The following ACTR3C variants were observed in gnomAD, a reference collection of about 807,000 sequenced individuals.
ACTR3C encodes the protein actin related protein 3C.
ACTR3C carries 18 observed loss-of-function variants against 26.3 expected under a neutral mutation model. That is an observed-to-expected ratio of 0.68 (90% CI 0.47 to 1.01). The LOEUF (loss-of-function observed/expected upper bound fraction) is 1.01. ACTR3C is among the 50% of genes least tolerant of loss of function. The pLI is 0.00. For synonymous variants in ACTR3C, 55 were observed against 94.5 expected (o/e 0.58, Z 2.42); for missense variants, 184 against 250.7 (o/e 0.73, Z 1.80).
At chr7:150,214,432 G>A in the ACTR3C span, among the ~76,000 whole-genome samples, 4 of 151,912 alleles carry the variant, frequency 2.6e-5, no homozygotes, top group East Asian at 1.9e-4. Flanking sequence ...TGCAATATCC[G>A]GAGCTACGCA....
the ACTR3C span, among the ~76,000 whole-genome samples, chr7:150,080,647 A>G: frequency 7.2e-5 from 11 of 152,014 alleles, no homozygotes; most frequent in African/African-American, 2.2e-4. Context: ...AGACACCTAG[A>G]TGGACAGTTC....
intron 6 of ACTR3C, among the ~76,000 whole-genome samples, chr7:150,259,701 A>G (rs1833503606): frequency 6.6e-6 from 1 of 152,144 alleles, no homozygotes; most frequent in African/African-American, 2.4e-5. Context: ...TTTATCCTAG[A>G]TGGTCATTAT....
the ACTR3C span, among the ~76,000 whole-genome samples, chr7:149,919,676 G>T: frequency 6.6e-6 from 1 of 152,032 alleles, no homozygotes; most frequent in Non-Finnish European, 1.5e-5. Flanking sequence ...CATCTCAGGT[G>T]CAACAGTCTT....
intron 3 of ACTR3C, among the ~76,000 whole-genome samples, chr7:150,290,606 A>G (rs1396477423): frequency 1.3e-5 from 2 of 152,236 alleles, no homozygotes; most frequent in Admixed American, 6.5e-5. Context: ...TCATTCTAAT[A>G]GCTGCATCTA....
intron 6 of ACTR3C, among the ~76,000 whole-genome samples, chr7:150,282,487 C>A (rs1180331167): frequency 6.9e-6 from 1 of 145,270 alleles, no homozygotes; most frequent in East Asian, 2.0e-4. Context: ...GAAAGCATGG[C>A]CAGCCCCAGG....
At chr7:150,068,997 A>C in the ACTR3C span, among the ~76,000 whole-genome samples, 5 of 152,198 alleles carry the variant, frequency 3.3e-5, no homozygotes, top group African/African-American at 4.8e-5. Flanking sequence ...ACTCTTGAGA[A>C]GGGAATCCCC....
the ACTR3C span, chr7:150,047,516 T>TTC: frequency 4.8e-6 from 3 of 627,540 alleles, no homozygotes; most frequent in African/African-American, 6.4e-5. Context: ...GGCGCCTGAT[T>TTC]CCCCCCCCCA....
At chr7:149,902,422 T>C in the ACTR3C span, among the ~76,000 whole-genome samples, 2 of 108,448 alleles carry the variant, frequency 1.8e-5, no homozygotes, top group Admixed American at 2.0e-4. Flanking sequence ...CAGCATGTAC[T>C]TCATATTTCA....
chr7:149,918,955 A>G, the ACTR3C span, among the ~76,000 whole-genome samples: 3 of 152,152 alleles, frequency 2.0e-5, no homozygotes, highest in African/African-American at 7.2e-5. Flanking sequence ...CGGACAGCCC[A>G]AAATACTCAG....
At chr7:149,899,252 T>A in the ACTR3C span, among the ~76,000 whole-genome samples, 4 of 93,974 alleles carry the variant, frequency 4.3e-5, no homozygotes, top group Admixed American at 1.1e-4. Context: ...GAAAAGACAA[T>A]GAATAGACAA....
the ACTR3C span, among the ~76,000 whole-genome samples, chr7:150,023,209 C>A: frequency 1.4e-5 from 2 of 143,206 alleles, no homozygotes; most frequent in East Asian, 2.0e-4. Context: ...ATATATATCT[C>A]TATATCTCTA....
At chr7:149,927,948 G>A in the ACTR3C span, among the ~76,000 whole-genome samples, 148 of 152,138 alleles carry the variant, frequency 9.7e-4, no homozygotes, top group African/African-American at 3.4e-3. Context: ...ACAAAACAAA[G>A]ACATTAAGAT....
the ACTR3C span, among the ~76,000 whole-genome samples, chr7:149,954,813 G>T: frequency 6.6e-6 from 1 of 152,146 alleles, no homozygotes; most frequent in East Asian, 1.9e-4. Context: ...GCCACTAATA[G>T]AAAGTGTATT....
the ACTR3C span, among the ~76,000 whole-genome samples, chr7:149,937,981 A>G: frequency 6.6e-6 from 1 of 152,180 alleles, no homozygotes; most frequent in African/African-American, 2.4e-5. Flanking sequence ...AAGATGGGAC[A>G]GTGTGCAAGT....
chr7:150,247,720 G>A (rs1231079627), intron 7 of ACTR3C, 151 bp from the exon 8 acceptor site: 1 of 145,678 alleles, frequency 6.9e-6, no homozygotes, highest in Non-Finnish European at 1.5e-5. Context: ...CCTGGTGGGG[G>A]TGTTTATATC....
chr7:150,285,402 G>A (rs535195758), intron 5 of ACTR3C, among the ~76,000 whole-genome samples: 1 of 152,258 alleles, frequency 6.6e-6, no homozygotes, highest in Non-Finnish European at 1.5e-5. Context: ...AGTTAAATAA[G>A]CTAAAGTATA....
At chr7:149,949,652 C>CCTT in the ACTR3C span, among the ~76,000 whole-genome samples, 1 of 146,896 alleles carries the variant, frequency 6.8e-6, no homozygotes, top group African/African-American at 2.7e-5. Flanking sequence ...CCATGGAGAC[C>CCTT]CTTCTGACCT....
the ACTR3C span, among the ~76,000 whole-genome samples, chr7:150,130,657 A>C: frequency 1.3e-5 from 2 of 152,242 alleles, no homozygotes; most frequent in African/African-American, 4.8e-5. Flanking sequence ...AAAGAATAAA[A>C]ATTTTCACAG....
intron 6 of ACTR3C, among the ~76,000 whole-genome samples, chr7:150,249,642 A>G (rs1224771667): frequency 1.3e-5 from 2 of 151,952 alleles, no homozygotes; most frequent in East Asian, 3.9e-4. Flanking sequence ...TTTAGTAGAG[A>G]TGGGGTTTCG....
Sources: gnomAD v4.1 joint callset for allele counts (sites outside exome capture counted in the v4.1 genomes callset) on GRCh38, gnomAD v4.1.1 for gene constraint, MANE v1.5 for transcripts, NCBI Gene and HGNC (gene_info 2026-07-23, HGNC 2026-07-21) for gene names.